The following SCN8A variants were observed in gnomAD, a reference collection of about 807,000 sequenced individuals.
SCN8A encodes the protein sodium voltage-gated channel alpha subunit 8, also known as sodium channel protein type 8 subunit alpha.
Under a neutral mutation model 184.1 loss-of-function variants are expected in SCN8A, and 30 were observed. The ratio of observed to expected loss-of-function variants is 0.16; its 90% CI spans 0.12 to 0.22. The LOEUF is 0.22. Among genes scored for constraint, SCN8A ranks in the 10% least tolerant of loss-of-function variants. The pLI is 1.00. For synonymous variants in SCN8A, 852 were observed against 907.0 expected, an observed-to-expected ratio of 0.94 and a Z score of 1.09; for missense variants, 1,057 against 2,498.9, an observed-to-expected ratio of 0.42 and a Z score of 12.30.
intron 1 of SCN8A, among the ~76,000 whole-genome samples, chr12:51,630,352 G>A (rs1285061377): frequency 1.3e-5 from 2 of 151,996 alleles, no homozygotes; most frequent in Non-Finnish European, 2.9e-5. Context: ...CATATAAGAA[G>A]AATTACACAG....
chr12:51,768,936 T>C lies in SCN8A; in HGVS notation c.2973T>C (p.Asp991=). ...ACAACCTGGCTGCCACAGATGACGA[T>C]GGGGAAATGAACAACCTCCAGATCT... The part of the protein sequence containing the change: ...SADNLAATDD[D]GEMNNLQISV... The change falls in exon 17 of 27, where the codon GAT becomes GAC. Residue 991 remains aspartate (D), a synonymous_variant. Transcript: ENST00000627620. 6.2e-7 allele frequency: 1 copy of C among 1,605,860 alleles called. No homozygotes were observed.
chr12:51,726,557 T>C (rs1271486881), intron 12 of SCN8A, among the ~76,000 whole-genome samples: 1 of 152,216 alleles, frequency 6.6e-6, no homozygotes, highest in African/African-American at 2.4e-5. Context: ...AAGTTCTGTA[T>C]TTGTGCATAT....
intron 1 of SCN8A, among the ~76,000 whole-genome samples, chr12:51,599,336 A>T (rs891872778): frequency 1.3e-5 from 2 of 152,184 alleles, no homozygotes; most frequent in East Asian, 3.8e-4. Context: ...ATAGTTAATA[A>T]ATTGATTTTT....
chr12:51,721,474 T>G, intron 11 of SCN8A, 72 bp from the exon 12 acceptor site: 1 of 1,455,650 alleles, frequency 6.9e-7, no homozygotes, highest in Non-Finnish European at 9.1e-7. Flanking sequence ...CCTAACCACT[T>G]TGCTCAGTAT....
chr12:51,773,797 A>G (rs940933347), intron 19 of SCN8A, among the ~76,000 whole-genome samples: 1 of 151,940 alleles, frequency 6.6e-6, no homozygotes, highest in African/African-American at 2.4e-5. Flanking sequence ...ATATTGGACT[A>G]TTACTCAGCC....
rs116447005 is a variant in SCN8A, at chr12:51,621,126, C to T, written c.-55+29767C>T. On this transcript the variant is annotated intron_variant, in intron 1 of 26. Coordinates refer to ENST00000627620, the MANE Select transcript of SCN8A (RefSeq NM_001330260.2). The stretch of plus-strand genomic sequence containing the variant: ...GTATTTATCCTTGGTCTCTCCTCAG[C>T]TGCTTTATAGAGTAATGCAGTAGAG... 1.8e-3 allele frequency among the ~76,000 whole-genome samples: 275 copies of T among 152,286 alleles called. 1 individual carries two copies. Among genetic ancestry groups the T allele is most frequent in the African/African-American group, 6.4e-3 (267 of 41,560 alleles).
At chr12:51,665,609 A>G (rs1441673531) in intron 2 of SCN8A, among the ~76,000 whole-genome samples, 1 of 152,200 alleles carries the variant, frequency 6.6e-6, no homozygotes, top group Non-Finnish European at 1.5e-5. Context: ...TTAACTTGCA[A>G]ATCTTTACCA....
At chr12:51,795,221 G>T (rs779562222) in intron 26 of SCN8A, among the ~76,000 whole-genome samples, 5 of 152,170 alleles carry the variant, frequency 3.3e-5, no homozygotes, top group Admixed American at 6.5e-5. Flanking sequence ...ACAGCCACTC[G>T]CTAGGAGGTG....
At chr12:51,762,265 GTGGTTC>G (rs1367449359) in intron 14 of SCN8A, among the ~76,000 whole-genome samples, 1 of 152,114 alleles carries the variant, frequency 6.6e-6, no homozygotes, top group Middle Eastern at 3.2e-3. Flanking sequence ...TTTAAATTGA[GTGGTTC>G]TGGCAACAAA....
At chr12:51,773,305 G>A (rs1942958151) in intron 19 of SCN8A, among the ~76,000 whole-genome samples, 2 of 152,090 alleles carry the variant, frequency 1.3e-5, no homozygotes, top group Admixed American at 6.5e-5. Flanking sequence ...CCTCCTCTTG[G>A]CACCATACCT....
chr12:51,800,108 T>C (rs564847373), intron 26 of SCN8A, among the ~76,000 whole-genome samples: 10 of 152,226 alleles, frequency 6.6e-5, no homozygotes, highest in Non-Finnish European at 1.5e-4. Context: ...GGAGTTTATA[T>C]ACCCCTGAGG....
chr12:51,721,895 G>A lies in SCN8A; in HGVS notation c.1985G>A (p.Arg662His), dbSNP rs776013286. 1.2e-6 allele frequency: 2 copies of A among 1,600,368 alleles called. No individual in the cohort carries two copies. The highest frequency in any genetic ancestry group is 2.7e-5 in the African/African-American group (2 of 74,944). The change falls in exon 12 of 27, where the codon CGT becomes CAT. Residue 662 changes from arginine to histidine, a missense_variant. Coordinates refer to ENST00000627620, the MANE Select transcript of SCN8A (RefSeq NM_001330260.2). Reference protein sequence around the residue: ...IGGPGSHIGGRLLPEATTEVE... With the variant: ...IGGPGSHIGGHLLPEATTEVE... ...GGCCCCGGCTCCCACATCGGCGGGC[G>A]TCTCCTGCCAGAGGTGAAAATTGAT...
intron 1 of SCN8A, among the ~76,000 whole-genome samples, chr12:51,606,890 A>ATATT (rs1455596542): frequency 6.7e-6 from 1 of 149,964 alleles, no homozygotes; most frequent in South Asian, 2.1e-4. Context: ...GTTTTTATAT[A>ATATT]TATTTATTTA....
chr12:51,688,883 G>A (rs757276863), intron 5 of SCN8A, 122 bp from the exon 6 acceptor site: 1 of 1,583,124 alleles, frequency 6.3e-7, no homozygotes, highest in Non-Finnish European at 8.7e-7. Context: ...TAGGTGTTGG[G>A]ATAGGGCCCT....
intron 14 of SCN8A, among the ~76,000 whole-genome samples, chr12:51,756,550 G>A (rs569836772): frequency 6.6e-6 from 1 of 152,308 alleles, no homozygotes; most frequent in South Asian, 2.1e-4. Flanking sequence ...AAGTGTGGAC[G>A]TCCTCCCACC....
chr12:51,716,115 C>T (rs960838211), intron 11 of SCN8A, among the ~76,000 whole-genome samples: 9 of 152,196 alleles, frequency 5.9e-5, no homozygotes, highest in African/African-American at 2.2e-4. Flanking sequence ...GGGAGGATTG[C>T]TTTAGCCCAG....
chr12:51,684,281 T>A lies in SCN8A; in HGVS notation c.384T>A (p.Ile128=). The change falls in exon 3 of 27, where the codon ATT becomes ATA. Residue 128 remains isoleucine, a synonymous_variant. Coordinates refer to ENST00000627620, the MANE Select transcript of SCN8A (RefSeq NM_001330260.2). The part of the protein sequence containing the change: ...FNLIRRIAIK[I]LIHSVFSMII... ...TGATAAGAAGAATAGCTATTAAAAT[T>A]TTGATACATTCATATCCTTTTCGGC... The A allele has an allele frequency of 6.6e-7, 1 of 1,513,530 alleles. No homozygotes were observed. Among genetic ancestry groups the A allele is most frequent in the Non-Finnish European group, 9.2e-7 (1 of 1,088,258 alleles). The allele number at this position is 1,513,530 out of a possible 1,614,324, so 93.8% of individuals were successfully genotyped here. A position where few individuals can be genotyped will look rare whatever the true frequency, so the allele number is the denominator to read the frequency against.
At chr12:51,642,224 A>T (rs759753381) in intron 1 of SCN8A, among the ~76,000 whole-genome samples, 1 of 152,148 alleles carries the variant, frequency 6.6e-6, no homozygotes, top group Non-Finnish European at 1.5e-5. Flanking sequence ...GAAAGGAATG[A>T]TCTCTTCTTA....
chr12:51,650,742 T>C (rs367829994), intron 1 of SCN8A, among the ~76,000 whole-genome samples: 2 of 152,040 alleles, frequency 1.3e-5, no homozygotes, highest in East Asian at 1.9e-4. Flanking sequence ...CCACCCCACA[T>C]TGGGCACCAC....
Sources: allele counts gnomAD v4.1 joint callset (sites outside exome capture counted in the v4.1 genomes callset), GRCh38; gene constraint gnomAD v4.1.1; transcripts MANE v1.5; gene names NCBI Gene and HGNC (gene_info 2026-07-23, HGNC 2026-07-21).